Variants in CCDC175 observed in about 807,000 individuals in gnomAD.
CCDC175 encodes coiled-coil domain containing 175.
A neutral mutation model predicts 114.6 loss-of-function variants in CCDC175; 100 were observed. The ratio of observed to expected loss-of-function variants is 0.87; its 90% CI spans 0.74 to 1.03. The LOEUF (loss-of-function observed/expected upper bound fraction) is 1.03. CCDC175 is among the 50% of genes least tolerant of loss of function. The pLI, the probability that CCDC175 is intolerant of heterozygous loss-of-function variation, is 0.00. For synonymous variants in CCDC175, 306 were observed against 308.7 expected, an observed-to-expected ratio of 0.99 and a Z score of 0.09; for missense variants, 880 against 917.8, an observed-to-expected ratio of 0.96 and a Z score of 0.53.
intron 19 of CCDC175, 23 bp from the exon 20 acceptor site, chr14:59,505,338 T>C (rs1892281238): frequency 2.2e-6 from 3 of 1,344,352 alleles, no homozygotes; most frequent in Non-Finnish European, 1.0e-6. Context: ...AAAATAAATA[T>C]AAAAATTTTA....
At chr14:59,538,246 A>G in intron 12 of CCDC175, 92 bp from the exon 13 acceptor site, 1 of 1,065,912 alleles carries the variant, frequency 9.4e-7, no homozygotes, top group African/African-American at 1.6e-5. Flanking sequence ...TCTTTGCAGG[A>G]GGCCTGCTTC....
intron 17 of CCDC175, among the ~76,000 whole-genome samples, chr14:59,515,580 A>C (rs1267340679): frequency 2.0e-5 from 3 of 152,192 alleles, no homozygotes; most frequent in Admixed American, 1.3e-4. Flanking sequence ...AGGCCATTAC[A>C]TAATGGTAAA....
chr14:59,527,285 A>C, intron 14 of CCDC175, 111 bp from the exon 15 acceptor site: 1 of 574,920 alleles, frequency 1.7e-6, no homozygotes, highest in Non-Finnish European at 2.9e-6. Context: ...TATAACAAAA[A>C]CCAACTGTCA....
At position 59,530,250 on chromosome 14, in the gene CCDC175, C is replaced by T. The variant is rs948791747; in HGVS notation, c.1762+1522G>A. Among the ~76,000 whole-genome samples, 5 of 149,466 alleles carry T rather than the reference C, an allele frequency of 3.3e-5. No homozygotes were observed. The South Asian group carries it at 1.0e-3, about 31-fold the overall frequency. On this transcript the variant is annotated intron_variant, in intron 14 of 19. Coordinates refer to ENST00000537690, the MANE Select transcript of CCDC175 (RefSeq NM_001164399.2). ...GGCATGGTGGCGCACACCTGTAATC[C>T]CAGCTACTCAGGAGGCTGAGGCAGG...
chr14:59,553,456 T>G (rs1445534657), intron 7 of CCDC175, among the ~76,000 whole-genome samples: 1 of 152,132 alleles, frequency 6.6e-6, no homozygotes, highest in Non-Finnish European at 1.5e-5. Flanking sequence ...CAAGAGCTCT[T>G]GAAGGAAGCA....
intron 8 of CCDC175, among the ~76,000 whole-genome samples, chr14:59,549,903 A>T (rs943517066): frequency 7.2e-5 from 11 of 151,756 alleles, no homozygotes; most frequent in African/African-American, 2.7e-4. Context: ...ATGGGATCAT[A>T]TCATACATAC....
chr14:59,526,377 A>C (rs1893735024), intron 15 of CCDC175, among the ~76,000 whole-genome samples: 2 of 152,056 alleles, frequency 1.3e-5, no homozygotes, highest in Non-Finnish European at 2.9e-5. Flanking sequence ...AGGCCGAGGC[A>C]GGCGGATCAC....
Position 59,563,752 on chromosome 14 carries a change from A to G in CCDC175, c.828T>C (p.Val276=). The G allele has an allele frequency of 2.8e-6, 4 of 1,422,890 alleles. No individual in the cohort carries two copies. Among genetic ancestry groups the G allele is most frequent in the Non-Finnish European group, 3.7e-6 (4 of 1,089,510 alleles). 88.1% of individuals were successfully genotyped at this position (1,422,890 alleles called of 1,614,324 possible). A position where few individuals can be genotyped will look rare whatever the true frequency, so the allele number is the denominator to read the frequency against. Residue 276 remains valine, a synonymous_variant, in exon 6 of 20, where the codon GTT becomes GTC. Coordinates refer to ENST00000537690, the MANE Select transcript of CCDC175 (RefSeq NM_001164399.2). ...QTKMSKIKET[V]TVSAAVLSDH... Reference sequence around the variant, plus strand: ...TCTTTCTTACCGCTGCGGAAACAGTAACTGTTTCTTTTATTTTTGACATTT... The same window carrying G: ...TCTTTCTTACCGCTGCGGAAACAGTGACTGTTTCTTTTATTTTTGACATTT...
intron 3 of CCDC175, among the ~76,000 whole-genome samples, chr14:59,572,435 T>C (rs1317755418): frequency 6.6e-6 from 1 of 152,192 alleles, no homozygotes; most frequent in Non-Finnish European, 1.5e-5. Flanking sequence ...AGTTGCCTAA[T>C]TTAATTGGAT....
At chr14:59,573,361 C>G (rs1012898766) in intron 2 of CCDC175, among the ~76,000 whole-genome samples, 2 of 151,932 alleles carry the variant, frequency 1.3e-5, no homozygotes, top group Non-Finnish European at 2.9e-5. Context: ...ATTTTATGAC[C>G]TGAGAAACTG....
chr14:59,576,117 G>A (rs1897107555), intron 1 of CCDC175, among the ~76,000 whole-genome samples: 1 of 152,126 alleles, frequency 6.6e-6, no homozygotes, highest in Admixed American at 6.5e-5. Context: ...CCTATCCAAG[G>A]TCATTTTCTA....
Position 59,538,749 on chromosome 14 carries a change from T to C in CCDC175, c.1447A>G (p.Lys483Glu), listed in dbSNP as rs1318075607. 1.3e-6 allele frequency: 2 copies of C among 1,536,504 alleles called. No individual in the cohort carries two copies. The highest frequency in any genetic ancestry group is 3.9e-5 in the Admixed American group (2 of 50,886). ...CGTCTAACTTCTGCATTCTGAATTT[T>C]TTCTGTAATAGCTTGTATTTCAGCT... ...IKAEIQAITEKIQNAEVRRIE... is the reference protein window; with the variant it reads ...IKAEIQAITEEIQNAEVRRIE... Residue 483 changes from lysine to glutamate, a missense_variant, in exon 12 of 20, where the codon AAA (lysine) becomes GAA (glutamate). By Grantham distance (56) the Lys-to-Glu change is moderately conservative (BLOSUM62 1). Transcript: ENST00000537690.
chr14:59,538,233 A>C (rs1170889836), intron 12 of CCDC175, 79 bp from the exon 13 acceptor site: 1 of 1,234,752 alleles, frequency 8.1e-7, no homozygotes, highest in Non-Finnish European at 1.1e-6. Context: ...GGAAATTAAT[A>C]TCTCTTTGCA....
intron 9 of CCDC175, among the ~76,000 whole-genome samples, chr14:59,544,414 GAGA>G (rs755709489): frequency 1.1e-4 from 16 of 152,266 alleles, no homozygotes; most frequent in Admixed American, 5.9e-4. Flanking sequence ...ATGAGGCTCA[GAGA>G]AGTTTATAGT....
At chr14:59,563,291 T>A (rs1246323750) in intron 6 of CCDC175, among the ~76,000 whole-genome samples, 1 of 152,158 alleles carries the variant, frequency 6.6e-6, no homozygotes, top group Non-Finnish European at 1.5e-5. Flanking sequence ...ATTTTCTAAT[T>A]TAAATAGACA....
In CCDC175 at chr14:59,511,799, T is replaced by C. The variant is rs964682385; in HGVS notation, c.2103A>G (p.Gln701=). Residue 701 remains glutamine (Q), a synonymous_variant, in exon 18 of 20, where the codon CAA becomes CAG. Coordinates refer to ENST00000537690, the MANE Select transcript of CCDC175 (RefSeq NM_001164399.2). ...GAAATTCAGCCCACAAATCCTTATA[T>C]TGTGCTAAAATAAAGATTTAAAAAA... ...LSRQLIAQEA[Q]YKDLWAEFQT... is the part of the protein sequence containing the mutation. 1 of 1,533,902 alleles carries C rather than the reference T, an allele frequency of 6.5e-7. No homozygotes were observed.
At chr14:59,525,081 A>C (rs1893666770) in intron 16 of CCDC175, among the ~76,000 whole-genome samples, 2 of 152,164 alleles carry the variant, frequency 1.3e-5, no homozygotes, top group African/African-American at 4.8e-5. Flanking sequence ...GATACTGATA[A>C]TGCTTTGTTT....
intron 10 of CCDC175, among the ~76,000 whole-genome samples, chr14:59,541,583 G>A (rs1044238127): frequency 2.0e-5 from 3 of 152,066 alleles, no homozygotes; most frequent in African/African-American, 7.2e-5. Context: ...ACTGTAGTAT[G>A]GACTCTCAAT....
At chr14:59,557,636 A>AG (rs1895992505) in intron 7 of CCDC175, among the ~76,000 whole-genome samples, 1 of 151,596 alleles carries the variant, frequency 6.6e-6, no homozygotes. Flanking sequence ...AAAAAGAAAA[A>AG]AAAAAAGAAC....
Sources: gnomAD v4.1 joint callset for allele counts (sites outside exome capture counted in the v4.1 genomes callset) on GRCh38, gnomAD v4.1.1 for gene constraint, MANE v1.5 for transcripts, NCBI Gene and HGNC (gene_info 2026-07-23, HGNC 2026-07-21) for gene names.